The following TNIK variants were observed in gnomAD, a reference collection of about 807,000 sequenced individuals.
The protein encoded by TNIK is TRAF2 and NCK-interacting protein kinase.
TNIK carries 49 observed loss-of-function variants against 191.3 expected under a neutral mutation model. The ratio of observed to expected loss-of-function variants is 0.26; its 90% CI spans 0.20 to 0.32. The LOEUF (loss-of-function observed/expected upper bound fraction) is 0.32. Ranked by LOEUF, TNIK falls within the 10% of genes least tolerant of loss-of-function variation. TNIK has a pLI of 1.00. For synonymous variants in TNIK, 594 were observed against 600.9 expected, an observed-to-expected ratio of 0.99 and a Z score of 0.17; for missense variants, 1,155 against 1,702.3, an observed-to-expected ratio of 0.68 and a Z score of 5.66.
In TNIK at chr3:171,393,832, C is replaced by T. The variant is rs116826175; in HGVS notation, c.58-24147G>A. Among the ~76,000 whole-genome samples the T allele has an allele frequency of 4.3e-3, 655 of 152,268 alleles. 6 individuals carry two copies. The highest frequency in any genetic ancestry group is 0.015 in the African/African-American group (639 of 41,536). On this transcript the variant is annotated intron_variant, in intron 1 of 32. Coordinates refer to ENST00000436636, the MANE Select transcript of TNIK (RefSeq NM_015028.4). The stretch of plus-strand genomic sequence containing the variant: ...TTCTATTCCAAATCTACACAGGACA[C>T]GGACAGAAAAGATTCATGCATTCTT...
chr3:171,230,668 T>C (rs2108997772), intron 2 of TNIK, among the ~76,000 whole-genome samples: 1 of 152,326 alleles, frequency 6.6e-6, no homozygotes, highest in Non-Finnish European at 1.5e-5. Flanking sequence ...TCTTGACTCC[T>C]CAGACAACTT....
chr3:171,397,155 C>T (rs538139845), intron 1 of TNIK, among the ~76,000 whole-genome samples: 9 of 152,302 alleles, frequency 5.9e-5, no homozygotes, highest in African/African-American at 1.9e-4. Flanking sequence ...CCTCACAAAT[C>T]ACTTTTGGTC....
chr3:171,125,457 T>C (rs1317763950), intron 17 of TNIK, among the ~76,000 whole-genome samples: 1 of 152,224 alleles, frequency 6.6e-6, no homozygotes, highest in Admixed American at 6.5e-5. Context: ...AACTAAAATA[T>C]CCTAAGAACA....
At chr3:171,268,888 T>C (rs1459746852) in intron 2 of TNIK, among the ~76,000 whole-genome samples, 1 of 152,190 alleles carries the variant, frequency 6.6e-6, no homozygotes, top group Non-Finnish European at 1.5e-5. Flanking sequence ...CAACGGCTGC[T>C]ACATGGAGTG....
At chr3:171,438,144 A>G (rs1048725249) in intron 1 of TNIK, among the ~76,000 whole-genome samples, 2 of 152,208 alleles carry the variant, frequency 1.3e-5, no homozygotes, top group African/African-American at 4.8e-5. Flanking sequence ...CTGTTGTCTT[A>G]ATGAACCACT....
intron 2 of TNIK, among the ~76,000 whole-genome samples, chr3:171,332,474 C>G (rs1374459529): frequency 6.6e-6 from 1 of 152,214 alleles, no homozygotes; most frequent in African/African-American, 2.4e-5. Context: ...AACCTCAGCT[C>G]GCAGTGCCAC....
chr3:171,106,956 T>G (rs16855840), intron 21 of TNIK, among the ~76,000 whole-genome samples: 4,465 of 152,172 alleles, frequency 0.029, 240 homozygotes, highest in African/African-American at 0.1. Flanking sequence ...ACTGGAACAT[T>G]GGAAAAGTGA....
intron 2 of TNIK, among the ~76,000 whole-genome samples, chr3:171,313,414 C>T (rs1754269832): frequency 6.6e-6 from 1 of 152,032 alleles, no homozygotes; most frequent in South Asian, 2.1e-4. Flanking sequence ...GTGATGGAGG[C>T]CTCACAGAAT....
chr3:171,164,665 TG>T, intron 10 of TNIK, among the ~76,000 whole-genome samples: 1 of 152,254 alleles, frequency 6.6e-6, no homozygotes, highest in Non-Finnish European at 1.5e-5. Flanking sequence ...TATAATAAAA[TG>T]TCCTTTTGAG....
chr3:171,219,300 TTATATATATAATGATGTG>T (rs1481235796), intron 3 of TNIK, among the ~76,000 whole-genome samples: 1 of 144,596 alleles, frequency 6.9e-6, no homozygotes, highest in Non-Finnish European at 1.5e-5. Context: ...ATATATCATT[TTATATATATAATGATGTG>T]TATATATATA....
At position 171,161,921 on chromosome 3, in the gene TNIK, AAAT is replaced by A. The variant is rs1369946183; in HGVS notation, c.950-588_950-586del. Among the ~76,000 whole-genome samples, 4 of 152,230 alleles carry A rather than the reference AAAT, an allele frequency of 2.6e-5. No homozygotes were observed. In the South Asian group the frequency reaches 6.2e-4, roughly 24 times the overall value. ...GGCGACAGAGCGAGGCCCTGTCTCA[AAAT>A]AATAATATAATAATAATAATAATTT... On this transcript the variant is annotated intron_variant, in intron 10 of 32. Transcript: ENST00000436636.
intron 18 of TNIK, among the ~76,000 whole-genome samples, chr3:171,118,775 T>C (rs1020904340): frequency 2.0e-5 from 3 of 152,138 alleles, no homozygotes; most frequent in African/African-American, 7.2e-5. Flanking sequence ...TTACACCTTA[T>C]ACAAAAATTA....
intron 1 of TNIK, among the ~76,000 whole-genome samples, chr3:171,399,685 A>G (rs1026519089): frequency 1.3e-5 from 2 of 152,238 alleles, no homozygotes; most frequent in African/African-American, 4.8e-5. Flanking sequence ...AAACAACACT[A>G]TATACAGTTT....
At chr3:171,396,877 GA>G (rs1250633255) in intron 1 of TNIK, among the ~76,000 whole-genome samples, 1 of 152,130 alleles carries the variant, frequency 6.6e-6, no homozygotes, top group East Asian at 1.9e-4. Flanking sequence ...CTTCAATGAT[GA>G]AACCACTAAA....
At chr3:171,270,694 G>T (rs533432498) in intron 2 of TNIK, among the ~76,000 whole-genome samples, 51 of 152,250 alleles carry the variant, frequency 3.3e-4, no homozygotes, top group Non-Finnish European at 5.9e-4. Flanking sequence ...TTTCCTGACA[G>T]GTATAGTTGT....
chr3:171,344,574 G>A (rs370591071), intron 2 of TNIK, among the ~76,000 whole-genome samples: 4 of 152,156 alleles, frequency 2.6e-5, no homozygotes, highest in South Asian at 2.1e-4. Flanking sequence ...TTAGGTGACC[G>A]GACCTTCCTA....
chr3:171,104,585 A>G (rs1356588929), intron 21 of TNIK, among the ~76,000 whole-genome samples: 1 of 151,078 alleles, frequency 6.6e-6, no homozygotes, highest in Non-Finnish European at 1.5e-5. Flanking sequence ...TCATTCAACA[A>G]AGGTTAACTA....
intron 21 of TNIK, among the ~76,000 whole-genome samples, chr3:171,104,922 C>T (rs1355852564): frequency 1.3e-5 from 2 of 149,758 alleles, no homozygotes; most frequent in South Asian, 2.1e-4. Flanking sequence ...TGTTTTCTTA[C>T]GTGTATAATC....
At chr3:171,078,708 A>G (rs1198708157) in intron 28 of TNIK, among the ~76,000 whole-genome samples, 12 of 152,136 alleles carry the variant, frequency 7.9e-5, no homozygotes, top group Non-Finnish European at 1.0e-4. Context: ...TAGGGTAGTT[A>G]GGCAGCAAGC....
Sources: gnomAD v4.1 joint callset for allele counts (sites outside exome capture counted in the v4.1 genomes callset) on GRCh38, gnomAD v4.1.1 for gene constraint, MANE v1.5 for transcripts, NCBI Gene and HGNC (gene_info 2026-07-23, HGNC 2026-07-21) for gene names.